Variants in RPTOR observed in about 807,000 individuals in gnomAD.
The protein encoded by RPTOR is regulatory-associated protein of mTOR.
Under a neutral mutation model 169.9 loss-of-function variants are expected in RPTOR, and 21 were observed. That is an observed-to-expected ratio of 0.12 (90% CI 0.09 to 0.18). The LOEUF (loss-of-function observed/expected upper bound fraction) is 0.18. RPTOR is among the 10% of genes least tolerant of loss of function. RPTOR has a pLI of 1.00. For missense variants in RPTOR, 1,133 were observed against 1,855.9 expected, an observed-to-expected ratio of 0.61 and a Z score of 7.16; for synonymous variants, 732 against 753.2, an observed-to-expected ratio of 0.97 and a Z score of 0.46.
intron 3 of RPTOR, among the ~76,000 whole-genome samples, chr17:80,706,653 C>T (rs1378937268): frequency 6.6e-6 from 1 of 152,212 alleles, no homozygotes; most frequent in Non-Finnish European, 1.5e-5. Context: ...CCTAGGGGAG[C>T]CTGCAGTGTC....
intron 4 of RPTOR, among the ~76,000 whole-genome samples, chr17:80,727,471 A>G (rs2066349108): frequency 6.6e-6 from 1 of 150,772 alleles, no homozygotes; most frequent in South Asian, 2.1e-4. Flanking sequence ...ACGCCCCGAG[A>G]ACGTGGACGC....
intron 3 of RPTOR, among the ~76,000 whole-genome samples, chr17:80,667,717 A>G (rs539796175): frequency 1.3e-5 from 2 of 152,264 alleles, no homozygotes; most frequent in East Asian, 1.9e-4. Context: ...TCATGGGACA[A>G]ATATGGAGGC....
At chr17:80,709,598 T>C (rs567155730) in intron 4 of RPTOR, among the ~76,000 whole-genome samples, 1 of 152,356 alleles carries the variant, frequency 6.6e-6, no homozygotes, top group South Asian at 2.1e-4. Flanking sequence ...CCCGCCCTTC[T>C]CAGTGCCTTC....
At chr17:80,580,058 T>A (rs947522917) in intron 1 of RPTOR, among the ~76,000 whole-genome samples, 1 of 152,220 alleles carries the variant, frequency 6.6e-6, no homozygotes, top group Non-Finnish European at 1.5e-5. Flanking sequence ...AATCATGGCT[T>A]CCTCACGGTC....
chr17:80,665,384 TTTCC>T (rs1567846013), intron 3 of RPTOR, among the ~76,000 whole-genome samples: 37 of 5,762 alleles, frequency 6.4e-3, no homozygotes, highest in South Asian at 0.015. Context: ...TTTCCTTTCC[TTTCC>T]TTTCCTTTCC....
chr17:80,682,117 C>T (rs113675891), intron 3 of RPTOR, among the ~76,000 whole-genome samples: 14,412 of 127,994 alleles, frequency 0.11, 992 homozygotes, highest in African/African-American at 0.17. Flanking sequence ...TCCCCCCCCC[C>T]ACCCCAAACA....
In RPTOR at chr17:80,887,370, TGTGCTGACTCTTGGGGGGG is replaced by T. The variant is rs1214604411; in HGVS notation, c.1983+2233_1983+2251del. Among the ~76,000 whole-genome samples, 71 of 83,436 alleles carry T rather than the reference TGTGCTGACTCTTGGGGGGG, an allele frequency of 8.5e-4. No homozygotes were observed. In the Middle Eastern group the frequency reaches 0.039, roughly 46 times the overall value. 54.7% of individuals were successfully genotyped at this position (83,436 alleles called of 152,430 possible). On this transcript the variant is annotated intron_variant, in intron 17 of 33. Transcript: ENST00000306801. ...TCGGGGGGTGTACCGACTCCGGGGG[TGTGCTGACTCTTGGGGGGG>T]GTGCTGACTCCAGGGGTGCGCCTCC...
In RPTOR at chr17:80,892,908, T is replaced by C. The variant is rs746955763; in HGVS notation, c.2242+39T>C. 4.4e-6 allele frequency: 7 copies of C among 1,598,852 alleles called. No individual in the cohort carries two copies. The South Asian group carries it at 7.7e-5, about 18-fold the overall frequency. ...AATCGGGTTATTGGATTGGGAGAGA[T>C]TGGGGTTGTTTTTTCTGAAACACTG... On this transcript the variant is annotated intron_variant, in intron 19 of 33. Coordinates refer to ENST00000306801, the MANE Select transcript of RPTOR (RefSeq NM_020761.3).
At chr17:80,587,171 C>T (rs1369893432) in intron 1 of RPTOR, among the ~76,000 whole-genome samples, 2 of 152,274 alleles carry the variant, frequency 1.3e-5, no homozygotes, top group African/African-American at 4.8e-5. Flanking sequence ...CCGCAGTTCC[C>T]CTTTCCTGGT....
intron 5 of RPTOR, among the ~76,000 whole-genome samples, chr17:80,739,751 A>C (rs1029863377): frequency 6.6e-6 from 1 of 152,254 alleles, no homozygotes; most frequent in Admixed American, 6.5e-5. Flanking sequence ...ATAGAGTTAG[A>C]TGAAAATGAA....
At chr17:80,796,511 T>G (rs996464278) in intron 7 of RPTOR, among the ~76,000 whole-genome samples, 9 of 152,182 alleles carry the variant, frequency 5.9e-5, no homozygotes, top group African/African-American at 1.9e-4. Context: ...GCCACACTTT[T>G]AAGCCATCGG....
At chr17:80,790,317 T>A (rs947123495) in intron 6 of RPTOR, among the ~76,000 whole-genome samples, 1 of 152,204 alleles carries the variant, frequency 6.6e-6, no homozygotes, top group African/African-American at 2.4e-5. Context: ...TATAACTTCC[T>A]CTCTGCTGGC....
chr17:80,609,283 G>A lies in RPTOR; in HGVS notation c.163-16408G>A, dbSNP rs1057469905. Among the ~76,000 whole-genome samples the A allele has an allele frequency of 6.6e-6, 1 of 152,156 alleles. No individual in the cohort carries two copies. The highest frequency in any genetic ancestry group is 1.5e-5 in the Non-Finnish European group (1 of 68,026). The stretch of plus-strand genomic sequence containing the variant: ...CGGAAGAGGCATTTGGAAATGACAC[G>A]CTCTGTCCAGGAACTGCAGTAAACG... On this transcript the variant is annotated intron_variant, in intron 1 of 33. Coordinates refer to ENST00000306801, the MANE Select transcript of RPTOR (RefSeq NM_020761.3). The surrounding 1 kb of genome is among the most constrained non-coding windows in gnomAD (Gnocchi z 4.8).
At chr17:80,911,459 C>T (rs1007549306) in intron 21 of RPTOR, among the ~76,000 whole-genome samples, 4 of 152,158 alleles carry the variant, frequency 2.6e-5, no homozygotes, top group African/African-American at 9.7e-5. Context: ...TAATTATTTG[C>T]TTTTAAACTA....
chr17:80,805,645 C>G (rs2067211134), intron 7 of RPTOR: 1 of 152,178 alleles, frequency 6.6e-6, no homozygotes, highest in Admixed American at 6.5e-5. Flanking sequence ...GCTCAGATGT[C>G]TTTCTGATGG....
intron 1 of RPTOR, among the ~76,000 whole-genome samples, chr17:80,548,376 T>TG (rs2084304143): frequency 7.5e-6 from 1 of 134,164 alleles, no homozygotes; most frequent in African/African-American, 2.9e-5. Flanking sequence ...GGGTGGTTTT[T>TG]TTTTTTTTTT....
chr17:80,687,430 C>G (rs1332003454), intron 3 of RPTOR, among the ~76,000 whole-genome samples: 1 of 152,246 alleles, frequency 6.6e-6, no homozygotes, highest in African/African-American at 2.4e-5. Flanking sequence ...GAGCTTCTTC[C>G]TCCGGTGCTC....
intron 10 of RPTOR, among the ~76,000 whole-genome samples, chr17:80,840,387 TCTCA>T (rs1220489336): frequency 9.6e-6 from 1 of 104,014 alleles, no homozygotes; most frequent in African/African-American, 3.7e-5. Flanking sequence ...GGCAGCTCAC[TCTCA>T]CTGCATGGCA....
intron 1 of RPTOR, among the ~76,000 whole-genome samples, chr17:80,582,601 A>C (rs545515225): frequency 7.2e-6 from 1 of 139,668 alleles, no homozygotes; most frequent in South Asian, 2.3e-4. Flanking sequence ...GCTGGAGTGC[A>C]ATGGCGTGAT....
Sources: gnomAD v4.1 joint callset for allele counts (sites outside exome capture counted in the v4.1 genomes callset) on GRCh38, gnomAD v4.1.1 for gene constraint, Gnocchi (gnomAD v3.1) non-coding constraint, MANE v1.5 for transcripts, NCBI Gene and HGNC (gene_info 2026-07-23, HGNC 2026-07-21) for gene names.